Variants in TRPC5 observed in about 807,000 individuals in gnomAD.
TRPC5 encodes the protein transient receptor potential cation channel subfamily C member 5, also known as short transient receptor potential channel 5.
Under a neutral mutation model 56.5 loss-of-function variants are expected in TRPC5, and 9 were observed. The observed-to-expected ratio is 0.16, with a 90% CI of 0.10 to 0.28. The LOEUF (loss-of-function observed/expected upper bound fraction) is 0.28, where lower values mean the gene tolerates loss of function less well. Ranked by LOEUF, TRPC5 falls within the 10% of genes least tolerant of loss-of-function variation. The pLI, the probability that TRPC5 is intolerant of heterozygous loss-of-function variation, is 1.00. For synonymous variants in TRPC5, 282 were observed against 278.5 expected, an observed-to-expected ratio of 1.01 and a Z score of -0.13; for missense variants, 469 against 748.9, an observed-to-expected ratio of 0.63 and a Z score of 4.36.
chrX:111,888,445 C>A (rs1269289357), intron 3 of TRPC5, among the ~76,000 whole-genome samples: 2 of 101,997 alleles, frequency 2.0e-5, no homozygotes, highest in Admixed American at 1.1e-4. Flanking sequence ...GAGGCCGAGG[C>A]GGGCGGATCA....
chrX:112,056,439 G>C (rs1403800903), intron 1 of TRPC5, among the ~76,000 whole-genome samples: 1 of 112,229 alleles, frequency 8.9e-6, no homozygotes, highest in African/African-American at 3.2e-5. Flanking sequence ...AATCAAACAT[G>C]CTTCCACACC....
chrX:112,028,048 A>C (rs1256296461), intron 1 of TRPC5, among the ~76,000 whole-genome samples: 1 of 111,880 alleles, frequency 8.9e-6, no homozygotes, highest in East Asian at 2.8e-4. Flanking sequence ...TGACTTCTCA[A>C]GGTCCCTCAA....
chrX:112,070,513 GT>G (rs1378795762), intron 1 of TRPC5, among the ~76,000 whole-genome samples: 3 of 111,344 alleles, frequency 2.7e-5, no homozygotes, highest in Non-Finnish European at 5.7e-5. Context: ...AGAGGAAAGA[GT>G]CTTTGAGATA....
intron 2 of TRPC5, 53 bp from the exon 3 acceptor site, chrX:111,912,865 G>C: frequency 8.9e-7 from 1 of 1,118,026 alleles, no homozygotes. Context: ...TTTGGAGAGA[G>C]AAGCATAGGG....
intron 3 of TRPC5, among the ~76,000 whole-genome samples, chrX:111,856,942 T>G (rs1175393032): frequency 1.8e-5 from 2 of 111,074 alleles, no homozygotes; most frequent in Non-Finnish European, 3.8e-5. Flanking sequence ...CTCTGTTGTT[T>G]ACTAACTGTG....
intron 6 of TRPC5, among the ~76,000 whole-genome samples, chrX:111,838,928 AAAG>A (rs767769705): frequency 3.3e-4 from 37 of 112,252 alleles, no homozygotes; most frequent in Admixed American, 2.4e-3. Flanking sequence ...TCAGACCAAC[AAAG>A]AAGAACTAGA....
At chrX:111,995,328 G>A (rs865914578) in intron 1 of TRPC5, among the ~76,000 whole-genome samples, 4 of 111,748 alleles carry the variant, frequency 3.6e-5, no homozygotes, top group Non-Finnish European at 7.5e-5. Context: ...CTTGATTTTG[G>A]TAGATAAGCT....
intron 7 of TRPC5, among the ~76,000 whole-genome samples, chrX:111,817,714 G>T (rs1323057587): frequency 9.0e-6 from 1 of 111,307 alleles, no homozygotes; most frequent in Non-Finnish European, 1.9e-5. Flanking sequence ...GGCAACTGAG[G>T]TTCTGGAGAG....
chrX:111,964,796 G>A (rs1005153866), intron 1 of TRPC5, among the ~76,000 whole-genome samples: 10 of 111,151 alleles, frequency 9.0e-5, no homozygotes, highest in Admixed American at 8.6e-4. Context: ...TCACCACCAG[G>A]CCTGCCCTAA....
chrX:111,793,359 A>G (rs1195821314), intron 7 of TRPC5, among the ~76,000 whole-genome samples: 2 of 112,251 alleles, frequency 1.8e-5, no homozygotes, highest in Non-Finnish European at 1.9e-5. Flanking sequence ...TCAGCAATGA[A>G]AAGACAAACC....
rs2148544199 is a variant in TRPC5, at chrX:111,769,946, T to A, written c.*6367A>T. 8.9e-6 allele frequency among the ~76,000 whole-genome samples: 1 copy of A among 111,746 alleles called. No homozygotes were observed. Among genetic ancestry groups the A allele is most frequent in the Non-Finnish European group, 1.9e-5 (1 of 53,084 alleles). On this transcript the variant is annotated 3_prime_UTR_variant, in exon 11 of 11. Coordinates refer to ENST00000262839, the MANE Select transcript of TRPC5 (RefSeq NM_012471.3). Reference sequence around the variant, plus strand: ...TATTCAGAGATTGTACTGTGGACTTTGAAAGTCATTTCAAAAGCAGAAGTC... The same window carrying A: ...TATTCAGAGATTGTACTGTGGACTTAGAAAGTCATTTCAAAAGCAGAAGTC...
intron 7 of TRPC5, among the ~76,000 whole-genome samples, chrX:111,825,589 C>T (rs918067891): frequency 6.0e-4 from 67 of 110,953 alleles, no homozygotes; most frequent in African/African-American, 2.0e-3. Flanking sequence ...AGATTTAATG[C>T]GGGGATTGGT....
Position 111,776,950 on chromosome X carries a change from C to A in TRPC5, c.2285G>T (p.Gly762Val). 8.5e-7 allele frequency: 1 copy of A among 1,178,046 alleles called. No individual in the cohort carries two copies. Among genetic ancestry groups the A allele is most frequent in the Non-Finnish European group, 1.1e-6 (1 of 878,792 alleles). The stretch of plus-strand genomic sequence containing the variant: ...AAAGCTCCTTGGATGTTTTCTATTT[C>A]CCAAGAGGTCAAGCACTTCATACCG... ...SFRYEVLDLLGNRKHPRSFST... is the reference protein window; with the variant it reads ...SFRYEVLDLLVNRKHPRSFST... Residue 762 changes from glycine (G) to valine (V), a missense_variant, in exon 11 of 11, where the codon GGA becomes GTA. Around this residue, in one of 3 missense-constraint regions of TRPC5, gnomAD observed 194 missense variants for 221.8 expected, o/e 0.87. Transcript: ENST00000262839.
At chrX:111,911,011 C>A (rs1364392209) in intron 3 of TRPC5, among the ~76,000 whole-genome samples, 2 of 112,902 alleles carry the variant, frequency 1.8e-5, no homozygotes, top group African/African-American at 6.4e-5. Context: ...GTGGGCCTAA[C>A]CATTTACCAC....
intron 1 of TRPC5, among the ~76,000 whole-genome samples, chrX:111,995,278 C>A (rs150998712): frequency 8.9e-6 from 1 of 111,748 alleles, no homozygotes; most frequent in Non-Finnish European, 1.9e-5. Context: ...TATTGATTTG[C>A]GTATGTTGAA....
chrX:112,065,890 A>T (rs1467462619), intron 1 of TRPC5, among the ~76,000 whole-genome samples: 1 of 108,258 alleles, frequency 9.2e-6, no homozygotes, highest in Non-Finnish European at 1.9e-5. Context: ...AAAAAAAAAA[A>T]GTTGGCTGAT....
intron 6 of TRPC5, 61 bp downstream of exon 6, chrX:111,847,053 A>C: frequency 9.0e-7 from 1 of 1,110,785 alleles, no homozygotes; most frequent in Non-Finnish European, 1.2e-6. Flanking sequence ...ACAAAAATGG[A>C]GAAGGCGGAA....
intron 2 of TRPC5, among the ~76,000 whole-genome samples, chrX:111,937,597 A>G (rs1195499444): frequency 9.3e-6 from 1 of 108,054 alleles, no homozygotes; most frequent in African/African-American, 3.4e-5. Flanking sequence ...TTTATTAAAT[A>G]GGGAATCCTT....
chrX:111,844,518 T>G (rs1415496945), intron 6 of TRPC5, among the ~76,000 whole-genome samples: 1 of 102,416 alleles, frequency 9.8e-6, no homozygotes, highest in African/African-American at 3.6e-5. Context: ...TGGAGTGGAG[T>G]GCAATGGCGT....
Sources: gnomAD v4.1 joint callset for allele counts (sites outside exome capture counted in the v4.1 genomes callset) on GRCh38, gnomAD v4.1.1 for gene constraint, gnomAD v4.1.1 regional missense constraint, MANE v1.5 for transcripts, NCBI Gene and HGNC (gene_info 2026-07-23, HGNC 2026-07-21) for gene names.